Variants in RYR2 observed in about 807,000 individuals in gnomAD.
RYR2 encodes the protein ryanodine receptor 2, also known as cardiac muscle ryanodine receptor-calcium release channel.
A neutral mutation model predicts 601.1 loss-of-function variants in RYR2; 227 were observed. The ratio of observed to expected loss-of-function variants is 0.38; its 90% CI spans 0.34 to 0.42. The LOEUF is 0.42. Among genes scored for constraint, RYR2 ranks in the 10% least tolerant of loss-of-function variants. The pLI, the probability that RYR2 is intolerant of heterozygous loss-of-function variation, is 1.00. For missense variants in RYR2, 4,646 were observed against 6,156.5 expected (o/e 0.75, Z 8.21); for synonymous variants, 2,223 against 2,175.1 (o/e 1.02, Z -0.61).
intron 20 of RYR2, among the ~76,000 whole-genome samples, chr1:237,499,559 TA>T (rs1664420268): frequency 6.6e-6 from 1 of 152,224 alleles, no homozygotes; most frequent in African/African-American, 2.4e-5. Context: ...GCATTGCTTT[TA>T]TATGACTTTT....
chr1:237,622,376 A>G (rs1679165435), intron 38 of RYR2, among the ~76,000 whole-genome samples: 1 of 152,346 alleles, frequency 6.6e-6, no homozygotes, highest in South Asian at 2.1e-4. Context: ...CACTGAAATG[A>G]TACCACAAGT....
chr1:237,313,172 AATTTTAT>A (rs1452279412), intron 2 of RYR2, among the ~76,000 whole-genome samples: 1 of 149,952 alleles, frequency 6.7e-6, no homozygotes, highest in African/African-American at 2.5e-5. Flanking sequence ...TAGTTAAAAT[AATTTTAT>A]TAATATGCTC....
chr1:237,337,395 A>G (rs566523448), intron 3 of RYR2, among the ~76,000 whole-genome samples: 1 of 152,356 alleles, frequency 6.6e-6, no homozygotes, highest in East Asian at 1.9e-4. Context: ...CTCCAATTTC[A>G]CACAAGTAAT....
In RYR2 at chr1:237,602,144, A is replaced by AT. The variant is rs758997505; in HGVS notation, c.4683+39dup. The AT allele has an allele frequency of 2.2e-5, 34 of 1,516,384 alleles. No individual in the cohort carries two copies. The Admixed American group carries it at 3.3e-4, about 15-fold the overall frequency. 93.9% of individuals were successfully genotyped at this position (1,516,384 alleles called of 1,614,324 possible). A position where few individuals can be genotyped will look rare whatever the true frequency, so the allele number is the denominator to read the frequency against. ...AACTTATTCCTGGTATTGTATTTGT[A>AT]TTTTTTCTATTAGGATATAGCATTG... On this transcript the variant is annotated intron_variant, in intron 35 of 104. Coordinates refer to ENST00000366574, the MANE Select transcript of RYR2 (RefSeq NM_001035.3).
In RYR2 at chr1:237,388,080, C is replaced by G. The variant is rs747407654; in HGVS notation, c.677-7C>G. On this transcript the variant is annotated splice_region_variant and splice_polypyrimidine_tract_variant and intron_variant, in intron 9 of 104. Transcript: ENST00000366574. ...GTCCAGACCTGAATGATTTTTTATC[C>G]TTACAGGGTATCTCATTGGTGGTGA... The G allele has an allele frequency of 1.9e-6, 3 of 1,612,568 alleles. No homozygotes were observed. The African/African-American group carries it at 4.0e-5, about 22-fold the overall frequency.
intron 15 of RYR2, 50 bp from the exon 16 acceptor site, chr1:237,456,550 T>A (rs1658839501): frequency 6.9e-7 from 1 of 1,445,994 alleles, no homozygotes; most frequent in Non-Finnish European, 9.1e-7. Flanking sequence ...GTAAGCAGAA[T>A]GACAGTTTTG....
chr1:237,592,418 A>G (rs1413920998), intron 32 of RYR2, among the ~76,000 whole-genome samples: 1 of 152,112 alleles, frequency 6.6e-6, no homozygotes, highest in East Asian at 1.9e-4. Flanking sequence ...GGATCATCTG[A>G]GGTCAAGAGT....
intron 53 of RYR2, among the ~76,000 whole-genome samples, chr1:237,656,275 A>C (rs949279565): frequency 6.6e-6 from 1 of 152,128 alleles, no homozygotes; most frequent in South Asian, 2.1e-4. Context: ...TTTAGTTGAA[A>C]AATTACCCTA....
At chr1:237,480,334 G>A (rs1413973869) in intron 17 of RYR2, among the ~76,000 whole-genome samples, 13 of 140,900 alleles carry the variant, frequency 9.2e-5, no homozygotes, top group Middle Eastern at 4.0e-3. Context: ...CAGGAGGATC[G>A]CTTAAGCCTG....
intron 1 of RYR2, among the ~76,000 whole-genome samples, chr1:237,121,732 C>T (rs933156080): frequency 1.3e-5 from 2 of 152,170 alleles, no homozygotes; most frequent in Admixed American, 6.5e-5. Context: ...CTGTGAGAAA[C>T]GGAGGCCACC....
intron 20 of RYR2, among the ~76,000 whole-genome samples, chr1:237,498,646 C>T (rs1048265850): frequency 1.3e-5 from 2 of 151,236 alleles, no homozygotes; most frequent in Non-Finnish European, 2.9e-5. Flanking sequence ...ACATATTTTA[C>T]TATTTTTGTT....
intron 77 of RYR2, among the ~76,000 whole-genome samples, chr1:237,730,874 G>A (rs190959015): frequency 8.3e-4 from 127 of 152,234 alleles, no homozygotes; most frequent in Non-Finnish European, 4.4e-4. Flanking sequence ...GTTCAGCACA[G>A]AACAGCAGTC....
intron 2 of RYR2, among the ~76,000 whole-genome samples, chr1:237,303,433 G>T (rs566763327): frequency 1.3e-5 from 2 of 150,630 alleles, no homozygotes; most frequent in South Asian, 4.2e-4. Context: ...CCAAGTAGCT[G>T]GGATTACGGG....
At chr1:237,209,276 C>T (rs1682289909) in intron 1 of RYR2, among the ~76,000 whole-genome samples, 1 of 151,100 alleles carries the variant, frequency 6.6e-6, no homozygotes, top group South Asian at 2.1e-4. Context: ...CAAGATGATT[C>T]CAAATTCAGT....
chr1:237,631,354 A>G (rs1414640367), intron 41 of RYR2, 73 bp from the exon 42 acceptor site: 2 of 897,414 alleles, frequency 2.2e-6, no homozygotes, highest in Non-Finnish European at 3.5e-6. Context: ...TTTCTAAAAG[A>G]TTTATGAGGA....
At position 237,614,326 on chromosome 1, in the gene RYR2, C is replaced by T. The variant is rs750668049; in HGVS notation, c.5198C>T (p.Thr1733Met). ...NEYIVPMTEE[T>M]KSITLFPDEN... ...TACATTGTCCCCATGACGGAGGAGA[C>T]GAAGAGCATCACCCTGTTCCCTGAT... The change falls in exon 37 of 105, where the codon ACG becomes ATG. Residue 1733 changes from threonine (T) to methionine (M), a missense_variant. Physicochemically the swap from Thr to Met is moderately conservative, Grantham distance 81 (BLOSUM62 -1). Transcript: ENST00000366574. The surrounding 1 kb of genome is among the most constrained non-coding windows in gnomAD (Gnocchi z 4.3). 8.7e-6 allele frequency: 14 copies of T among 1,613,904 alleles called. No homozygotes were observed. Among genetic ancestry groups the T allele is most frequent in the South Asian group, 3.3e-5 (3 of 91,090 alleles).
chr1:237,733,009 T>A (rs1359405559), intron 78 of RYR2, among the ~76,000 whole-genome samples: 2 of 152,186 alleles, frequency 1.3e-5, no homozygotes, highest in African/African-American at 4.8e-5. Flanking sequence ...CTATCCTTTC[T>A]CTCACTATTT....
At position 237,530,310 on chromosome 1, in the gene RYR2, C is replaced by CA. The variant is rs34521733; in HGVS notation, c.2823-102dup. 227,524 of 580,662 alleles carry CA rather than the reference C, an allele frequency of 0.39. 15,358 individuals are homozygous for CA. The highest frequency in any genetic ancestry group is 0.43 in the African/African-American group (20,726 of 48,058). 36.0% of individuals were successfully genotyped at this position (580,662 alleles called of 1,614,324 possible). Reference sequence around the variant, plus strand: ...TGGGCGACAGAGCGAGACTCCGTCTCAAAAAAAAAAAAAAATTGTGCTTTC... The same window carrying CA: ...TGGGCGACAGAGCGAGACTCCGTCTCAAAAAAAAAAAAAAAATTGTGCTTTC... On this transcript the variant is annotated intron_variant, in intron 24 of 104. Coordinates refer to ENST00000366574, the MANE Select transcript of RYR2 (RefSeq NM_001035.3).
chr1:237,695,500 G>A (rs1573555448), intron 63 of RYR2, among the ~76,000 whole-genome samples: 1 of 152,214 alleles, frequency 6.6e-6, no homozygotes, highest in East Asian at 1.9e-4. Flanking sequence ...ACCACCCAGA[G>A]CAATGAATCA....
Sources: gnomAD v4.1 joint callset for allele counts (sites outside exome capture counted in the v4.1 genomes callset) on GRCh38, gnomAD v4.1.1 for gene constraint, Gnocchi (gnomAD v3.1) non-coding constraint, MANE v1.5 for transcripts, NCBI Gene and HGNC (gene_info 2026-07-23, HGNC 2026-07-21) for gene names.